Variants in DCAF5 observed in about 807,000 individuals in gnomAD.
DCAF5 encodes DDB1 and CUL4 associated factor 5.
In DCAF5, 9 loss-of-function variants were observed where a neutral mutation model predicts 80.7. The ratio of observed to expected loss-of-function variants is 0.11; its 90% CI spans 0.07 to 0.19. The LOEUF (loss-of-function observed/expected upper bound fraction) is 0.19, where lower values mean the gene tolerates loss of function less well. DCAF5 is among the 10% of genes least tolerant of loss of function. The probability of loss-of-function intolerance (pLI) is 1.00; values close to 1 mark genes in which losing one functional copy is unlikely to be tolerated. For synonymous variants in DCAF5, 433 were observed against 461.9 expected (o/e 0.94, Z 0.80); for missense variants, 842 against 1,205.7 (o/e 0.70, Z 4.47).
At chr14:69,107,900 A>C (rs182278520) in intron 5 of DCAF5, among the ~76,000 whole-genome samples, 23 of 152,376 alleles carry the variant, frequency 1.5e-4, no homozygotes, top group South Asian at 4.1e-4. Context: ...TGTGCTAGGC[A>C]CTAGAGATTA....
chr14:69,108,270 T>A (rs866289575), intron 5 of DCAF5, among the ~76,000 whole-genome samples: 1 of 152,180 alleles, frequency 6.6e-6, no homozygotes, highest in African/African-American at 2.4e-5. Context: ...TTTAAGAGTA[T>A]GTAACAGAGA....
At chr14:69,132,434 CAA>C (rs1417881972) in intron 1 of DCAF5, among the ~76,000 whole-genome samples, 2 of 152,192 alleles carry the variant, frequency 1.3e-5, no homozygotes, top group African/African-American at 4.8e-5. Context: ...CATCATTCTA[CAA>C]ACAGTTTGAG....
At chr14:69,056,147 T>C (rs999017695) in intron 8 of DCAF5, among the ~76,000 whole-genome samples, 3 of 152,214 alleles carry the variant, frequency 2.0e-5, no homozygotes, top group African/African-American at 7.2e-5. Flanking sequence ...GCAACATTCC[T>C]ATTTTTAACT....
chr14:69,101,618 C>T (rs755543458), intron 5 of DCAF5, among the ~76,000 whole-genome samples: 2 of 152,168 alleles, frequency 1.3e-5, no homozygotes, highest in African/African-American at 2.4e-5. Flanking sequence ...AGTCATGCAT[C>T]GCTTAATGAC....
rs182284244 is a variant in DCAF5, at chr14:69,109,502, C to T, written c.665+6864G>A. 1.7e-3 allele frequency among the ~76,000 whole-genome samples: 257 copies of T among 152,214 alleles called. 1 individual carries two copies. The highest frequency in any genetic ancestry group is 5.7e-3 in the African/African-American group (238 of 41,530). On this transcript the variant is annotated intron_variant, in intron 5 of 8. Transcript: ENST00000341516. Reference sequence around the variant, plus strand: ...TGCCTTCCTTAGTCAATACCTTACCCAGAGGTAACCACTATTCTGACTTCC... The same window carrying T: ...TGCCTTCCTTAGTCAATACCTTACCTAGAGGTAACCACTATTCTGACTTCC...
intron 7 of DCAF5, among the ~76,000 whole-genome samples, chr14:69,064,567 T>C (rs947077257): frequency 1.2e-4 from 19 of 152,214 alleles, no homozygotes; most frequent in African/African-American, 4.3e-4. Context: ...TGGAAGAGTT[T>C]GAATAGGAAT....
chr14:69,119,087 T>C, intron 3 of DCAF5, 107 bp downstream of exon 3: 1 of 1,059,290 alleles, frequency 9.4e-7, no homozygotes, highest in Non-Finnish European at 1.3e-6. Flanking sequence ...GCTGGTTTCA[T>C]GTTGTTTTTT....
At chr14:69,108,342 C>T (rs1039670864) in intron 5 of DCAF5, among the ~76,000 whole-genome samples, 2 of 152,114 alleles carry the variant, frequency 1.3e-5, no homozygotes, top group African/African-American at 4.8e-5. Context: ...ATGACATGAA[C>T]ACGTAAAGAA....
intron 2 of DCAF5, among the ~76,000 whole-genome samples, chr14:69,120,996 G>T (rs1322240957): frequency 6.6e-6 from 1 of 152,208 alleles, no homozygotes; most frequent in Non-Finnish European, 1.5e-5. Flanking sequence ...TCTTACCAAT[G>T]AAAGGCTTAG....
chr14:69,142,348 T>G (rs1362511139), intron 1 of DCAF5, among the ~76,000 whole-genome samples: 1 of 152,162 alleles, frequency 6.6e-6, no homozygotes, highest in Admixed American at 6.5e-5. Context: ...TACTGTCAAG[T>G]CTTTCCCTAA....
chr14:69,075,251 C>T (rs1055171252), intron 7 of DCAF5, 94 bp downstream of exon 7: 15 of 871,604 alleles, frequency 1.7e-5, no homozygotes, highest in Admixed American at 1.1e-4. Context: ...AAATGTTGTC[C>T]TCTACTGCTA....
chr14:69,093,068 T>C (rs2039587159), intron 5 of DCAF5, among the ~76,000 whole-genome samples: 1 of 152,234 alleles, frequency 6.6e-6, no homozygotes, highest in Non-Finnish European at 1.5e-5. Flanking sequence ...AACAAGTATA[T>C]ACAGTACTAA....
intron 8 of DCAF5, among the ~76,000 whole-genome samples, chr14:69,060,100 C>T (rs148096555): frequency 2.0e-5 from 3 of 152,184 alleles, no homozygotes; most frequent in Non-Finnish European, 2.9e-5. Flanking sequence ...AACAGAATGA[C>T]GTCAACAGGC....
chr14:69,151,701 C>T (rs1390064795), intron 1 of DCAF5, among the ~76,000 whole-genome samples: 4 of 152,050 alleles, frequency 2.6e-5, no homozygotes, highest in Non-Finnish European at 5.9e-5. Context: ...GAGGAGGGGA[C>T]GACGGCGGCG....
intron 6 of DCAF5, among the ~76,000 whole-genome samples, chr14:69,086,584 C>T (rs552106484): frequency 1.3e-5 from 2 of 151,036 alleles, no homozygotes; most frequent in Non-Finnish European, 1.5e-5. Flanking sequence ...CATGCCAGGC[C>T]CCAAAGTGGG....
rs999800747 is a variant in DCAF5 at position 69,118,777 on chromosome 14, T to C, written c.395+417A>G. Among the ~76,000 whole-genome samples the C allele has an allele frequency of 3.9e-5, 6 of 152,184 alleles. No individual in the cohort carries two copies. The highest frequency in any genetic ancestry group is 8.8e-5 in the Non-Finnish European group (6 of 68,018). ...TTATCTAACATGTCTGTGACTCCGT[T>C]TCCTGATCTAGAACGGAGATGACAA... On this transcript the variant is annotated intron_variant, in intron 3 of 8. Transcript: ENST00000341516. The surrounding 1 kb of genome is among the most constrained non-coding windows in gnomAD (Gnocchi z 4.0).
chr14:69,106,015 T>A (rs1309067688), intron 5 of DCAF5, among the ~76,000 whole-genome samples: 1 of 145,776 alleles, frequency 6.9e-6, no homozygotes, highest in Non-Finnish European at 1.5e-5. Flanking sequence ...CCAGAATAGG[T>A]AAATATTATT....
intron 5 of DCAF5, among the ~76,000 whole-genome samples, chr14:69,102,371 T>C (rs2039984705): frequency 6.6e-6 from 1 of 152,014 alleles, no homozygotes. Flanking sequence ...CCTCCCAAAG[T>C]GCTGGGATTA....
intron 1 of DCAF5, among the ~76,000 whole-genome samples, chr14:69,126,477 TATC>T (rs1460066525): frequency 2.6e-5 from 4 of 152,262 alleles, no homozygotes; most frequent in Non-Finnish European, 4.4e-5. Flanking sequence ...ATTTTTAAGA[TATC>T]AGTTCTTCCC....
Sources: allele counts gnomAD v4.1 joint callset (sites outside exome capture counted in the v4.1 genomes callset), GRCh38; gene constraint gnomAD v4.1.1; non-coding constraint Gnocchi (gnomAD v3.1); transcripts MANE v1.5; gene names NCBI Gene and HGNC (gene_info 2026-07-23, HGNC 2026-07-21).